RALGAPA1: variants seen among roughly 807,000 people sequenced by gnomAD.
The protein encoded by RALGAPA1 is ral GTPase-activating protein subunit alpha-1.
A neutral mutation model predicts 269.6 loss-of-function variants in RALGAPA1; 52 were observed. The ratio of observed to expected loss-of-function variants is 0.19; its 90% CI spans 0.15 to 0.24. The LOEUF (loss-of-function observed/expected upper bound fraction) is 0.24. RALGAPA1 is among the 10% of genes least tolerant of loss of function. The pLI, the probability that RALGAPA1 is intolerant of heterozygous loss-of-function variation, is 1.00. For synonymous variants in RALGAPA1, 817 were observed against 1,008.3 expected (o/e 0.81, Z 3.60); for missense variants, 1,917 against 3,013.9 (o/e 0.64, Z 8.52).
At chr14:35,599,826 T>C (rs926748969) in intron 36 of RALGAPA1, among the ~76,000 whole-genome samples, 1 of 146,952 alleles carries the variant, frequency 6.8e-6, no homozygotes, top group Non-Finnish European at 1.5e-5. Context: ...AGCACCTGGC[T>C]CCCACAGTTT....
intron 37 of RALGAPA1, among the ~76,000 whole-genome samples, chr14:35,580,126 A>G (rs931917543): frequency 5.3e-5 from 8 of 152,224 alleles, no homozygotes; most frequent in African/African-American, 1.7e-4. Flanking sequence ...TTCAGAGGAA[A>G]TGGACTTAAA....
At chr14:35,763,534 T>C (rs2073895461) in intron 4 of RALGAPA1, among the ~76,000 whole-genome samples, 1 of 152,140 alleles carries the variant, frequency 6.6e-6, no homozygotes. Context: ...TAAAAAGTTA[T>C]TTATATGTTA....
chr14:35,714,897 T>C (rs1012518699), intron 16 of RALGAPA1, among the ~76,000 whole-genome samples: 1 of 152,238 alleles, frequency 6.6e-6, no homozygotes, highest in Non-Finnish European at 1.5e-5. Flanking sequence ...CCTTAGCACT[T>C]TGAAGATATT....
chr14:35,802,584 A>G (rs751537946), intron 1 of RALGAPA1, among the ~76,000 whole-genome samples: 4 of 151,956 alleles, frequency 2.6e-5, no homozygotes, highest in African/African-American at 7.2e-5. Context: ...TGTATTCAAT[A>G]TCGTCAATTT....
chr14:35,635,821 G>A (rs1209059216), intron 31 of RALGAPA1, among the ~76,000 whole-genome samples: 1 of 152,010 alleles, frequency 6.6e-6, no homozygotes, highest in Admixed American at 6.5e-5. Context: ...GAAACAGTAA[G>A]CATAATAAAA....
intron 6 of RALGAPA1, among the ~76,000 whole-genome samples, chr14:35,759,911 CAAAAAAAAAAAA>C (rs34611097): frequency 4.3e-5 from 4 of 93,448 alleles, no homozygotes; most frequent in Non-Finnish European, 5.0e-5. Flanking sequence ...GATTCTATCT[CAAAAAAAAAAAA>C]AAAAAGAAAG....
At chr14:35,654,957 TCTC>T (rs1460668045) in intron 29 of RALGAPA1, among the ~76,000 whole-genome samples, 19 of 152,162 alleles carry the variant, frequency 1.2e-4, no homozygotes, top group African/African-American at 4.3e-4. Context: ...TTTCCAGTCT[TCTC>T]TGATAACTAA....
intron 25 of RALGAPA1, among the ~76,000 whole-genome samples, chr14:35,672,506 A>G (rs2064554176): frequency 6.6e-6 from 1 of 152,116 alleles, no homozygotes; most frequent in Non-Finnish European, 1.5e-5. Flanking sequence ...AGATAAACGA[A>G]TCCATATGCC....
At chr14:35,646,393 C>T (rs1027799846) in intron 31 of RALGAPA1, among the ~76,000 whole-genome samples, 4 of 152,206 alleles carry the variant, frequency 2.6e-5, no homozygotes, top group Non-Finnish European at 5.9e-5. Flanking sequence ...AACAAACTGA[C>T]ATCTGTGACA....
chr14:35,620,756 A>G (rs1462214813), intron 35 of RALGAPA1, among the ~76,000 whole-genome samples: 1 of 152,246 alleles, frequency 6.6e-6, no homozygotes, highest in African/African-American at 2.4e-5. Flanking sequence ...GTGAACTCCC[A>G]TTCACAATTG....
intron 39 of RALGAPA1, among the ~76,000 whole-genome samples, chr14:35,554,448 G>A (rs1407867859): frequency 1.5e-5 from 2 of 136,302 alleles, no homozygotes; most frequent in African/African-American, 5.6e-5. Flanking sequence ...CCGGGTTCAC[G>A]CCATTCTCCT....
At chr14:35,768,457 G>T (rs2074327343) in intron 4 of RALGAPA1, among the ~76,000 whole-genome samples, 1 of 151,616 alleles carries the variant, frequency 6.6e-6, no homozygotes. Context: ...TGGGAGGTTG[G>T]GGTAGGAGGA....
intron 26 of RALGAPA1, among the ~76,000 whole-genome samples, chr14:35,668,952 C>T (rs2064176952): frequency 6.6e-6 from 1 of 152,062 alleles, no homozygotes; most frequent in African/African-American, 2.4e-5. Context: ...GATTAACTAG[C>T]TCCTAAACAA....
intron 35 of RALGAPA1, among the ~76,000 whole-genome samples, chr14:35,615,184 C>G (rs2060176449): frequency 6.6e-6 from 1 of 152,084 alleles, no homozygotes; most frequent in Non-Finnish European, 1.5e-5. Context: ...ATAGTACTGG[C>G]AAAATATTAT....
intron 33 of RALGAPA1, among the ~76,000 whole-genome samples, chr14:35,632,580 T>C (rs930352860): frequency 6.6e-6 from 1 of 152,186 alleles, no homozygotes; most frequent in African/African-American, 2.4e-5. Context: ...GGTGAAACTA[T>C]AATTAGGACA....
At chr14:35,759,470 T>C (rs1010540922) in intron 6 of RALGAPA1, among the ~76,000 whole-genome samples, 1 of 152,162 alleles carries the variant, frequency 6.6e-6, no homozygotes, top group African/African-American at 2.4e-5. Flanking sequence ...AGTCTGGTTA[T>C]TGCAGCCTTG....
intron 35 of RALGAPA1, among the ~76,000 whole-genome samples, chr14:35,612,609 G>C (rs949038713): frequency 7.3e-5 from 11 of 150,668 alleles, no homozygotes; most frequent in African/African-American, 2.4e-4. Flanking sequence ...CGCAATCTCG[G>C]CTCACTGCAA....
chr14:35,605,382 T>C (rs2059536583), intron 36 of RALGAPA1, among the ~76,000 whole-genome samples: 1 of 152,124 alleles, frequency 6.6e-6, no homozygotes, highest in African/African-American at 2.4e-5. Context: ...CAATATACTG[T>C]CTCATAAAAT....
At chr14:35,636,528 A>C (rs1317452371) in intron 31 of RALGAPA1, among the ~76,000 whole-genome samples, 1 of 152,036 alleles carries the variant, frequency 6.6e-6, no homozygotes, top group African/African-American at 2.4e-5. Context: ...CTATTTTTTT[A>C]ATTTTTATTT....
Sources: gnomAD v4.1 joint callset for allele counts (sites outside exome capture counted in the v4.1 genomes callset) on GRCh38, gnomAD v4.1.1 for gene constraint, MANE v1.5 for transcripts, NCBI Gene and HGNC (gene_info 2026-07-23, HGNC 2026-07-21) for gene names.